Variants in C6orf52 observed in about 807,000 individuals in gnomAD.
C6orf52 encodes the protein chromosome 6 open reading frame 52.
C6orf52 carries 16 observed loss-of-function variants against 16.6 expected under a neutral mutation model. The observed-to-expected ratio is 0.96, with a 90% confidence interval of 0.65 to 1.46. The LOEUF is 1.46. Ranked by LOEUF, C6orf52 falls within the 40% of genes most tolerant of loss-of-function variation. The probability of loss-of-function intolerance (pLI) is 0.00; values close to 1 mark genes in which losing one functional copy is unlikely to be tolerated. For synonymous variants in C6orf52, 53 were observed against 61.4 expected (o/e 0.86, Z 0.64); for missense variants, 166 against 182.3 (o/e 0.91, Z 0.52).
rs140543608 is a variant in C6orf52, at chr6:10,687,659, T to C, written c.-11-98A>G. 245 of 728,482 alleles carry C rather than the reference T, an allele frequency of 3.4e-4. 1 individual carries two copies. The African/African-American group carries it at 4.1e-3, about 12-fold the overall frequency. 45.1% of individuals were successfully genotyped at this position (728,482 alleles called of 1,614,324 possible). On this transcript the variant is annotated intron_variant, in intron 1 of 4. Transcript: ENST00000259983. Reference sequence around the variant, plus strand: ...AATCCTGACAAATAAGTCTCGCAACTACATCTGAGATAATTACATTTAGTG... The same window carrying C: ...AATCCTGACAAATAAGTCTCGCAACCACATCTGAGATAATTACATTTAGTG...
At chr6:10,684,577 C>G (rs1244396076) in intron 3 of C6orf52, among the ~76,000 whole-genome samples, 1 of 152,236 alleles carries the variant, frequency 6.6e-6, no homozygotes, top group Non-Finnish European at 1.5e-5. Flanking sequence ...AAAAGGCTTT[C>G]CTCAGCTAGA....
intron 3 of C6orf52, among the ~76,000 whole-genome samples, chr6:10,686,063 C>A (rs1344674106): frequency 2.0e-5 from 3 of 152,198 alleles, no homozygotes; most frequent in Non-Finnish European, 2.9e-5. Flanking sequence ...ACTGCGCTCG[C>A]TCTGTTGCTC....
At chr6:10,682,325 A>G (rs1768467722) in intron 4 of C6orf52, among the ~76,000 whole-genome samples, 1 of 152,240 alleles carries the variant, frequency 6.6e-6, no homozygotes, top group South Asian at 2.1e-4. Context: ...CAAAGTTGAA[A>G]TAAGCACCCT....
intron 2 of C6orf52, 48 bp from the exon 3 acceptor site, chr6:10,687,212 C>A: frequency 7.4e-7 from 1 of 1,343,330 alleles, no homozygotes; most frequent in Admixed American, 2.3e-5. Flanking sequence ...ATCCACAAAC[C>A]CCCAAACCCT....
chr6:10,684,249 A>C (rs1052892428), intron 3 of C6orf52, among the ~76,000 whole-genome samples: 2 of 152,222 alleles, frequency 1.3e-5, no homozygotes, highest in Non-Finnish European at 2.9e-5. Context: ...TCAAGACTGC[A>C]GTGAGTTATG....
At chr6:10,679,494 T>C (rs1175790270) in intron 4 of C6orf52, among the ~76,000 whole-genome samples, 2 of 145,126 alleles carry the variant, frequency 1.4e-5, no homozygotes, top group Non-Finnish European at 3.0e-5. Context: ...TGCTAACAAG[T>C]AAGCACATAC....
At chr6:10,674,304 G>A (rs771791859) in intron 4 of C6orf52, among the ~76,000 whole-genome samples, 21 of 152,114 alleles carry the variant, frequency 1.4e-4, no homozygotes, top group African/African-American at 3.6e-4. Context: ...TGAATTTGGC[G>A]AGGGGGAGGA....
At chr6:10,672,900 G>A (rs1454853865) in intron 4 of C6orf52, among the ~76,000 whole-genome samples, 9 of 152,182 alleles carry the variant, frequency 5.9e-5, no homozygotes, top group African/African-American at 1.9e-4. Flanking sequence ...GAAGACTAAT[G>A]CAGTACTCTT....
chr6:10,684,622 G>A (rs550139536), intron 3 of C6orf52, among the ~76,000 whole-genome samples: 3 of 152,340 alleles, frequency 2.0e-5, no homozygotes, highest in Admixed American at 1.3e-4. Context: ...GGACCACAAA[G>A]ACCCGAGAAT....
rs575819772 is a variant in C6orf52, at chr6:10,686,132, G to A, written c.270+834C>T. Among the ~76,000 whole-genome samples the A allele has an allele frequency of 1.6e-4, 24 of 152,318 alleles. 1 individual carries two copies. In the South Asian group the frequency reaches 5.0e-3, roughly 32 times the overall value. ...TGCAGCCTCAAACTCCCGGACTCAA[G>A]TGATCGTCCCGCCTCAGTCTCCCAA... On this transcript the variant is annotated intron_variant, in intron 3 of 4. Transcript: ENST00000259983.
rs1247113466 is a variant in C6orf52 at position 10,683,926 on chromosome 6, G to T, written c.271-694C>A. Among the ~76,000 whole-genome samples, 7 of 152,240 alleles carry T rather than the reference G, an allele frequency of 4.6e-5. No individual in the cohort carries two copies. The East Asian group carries it at 1.4e-3, about 29-fold the overall frequency. ...TTTTAAGTATGGCCAGCTATTCCAA[G>T]GAATCACTATCAAGAAAGGGCTGAT... On this transcript the variant is annotated intron_variant, in intron 3 of 4. Coordinates refer to ENST00000259983, the MANE Select transcript of C6orf52 (RefSeq NM_001145020.3).
At chr6:10,677,832 G>A (rs529228374) in intron 4 of C6orf52, among the ~76,000 whole-genome samples, 3 of 151,624 alleles carry the variant, frequency 2.0e-5, no homozygotes, top group East Asian at 1.9e-4. Flanking sequence ...CTGTGCACTC[G>A]GTCATTTTTT....
At chr6:10,687,683 T>C in intron 1 of C6orf52, 122 bp from the exon 2 acceptor site, 1 of 672,788 alleles carries the variant, frequency 1.5e-6, no homozygotes, top group South Asian at 1.7e-5. Context: ...TTACATTTAG[T>C]GGCAATTCCT....
At chr6:10,694,046 G>T (rs1317367632) in intron 1 of C6orf52, among the ~76,000 whole-genome samples, 5 of 152,038 alleles carry the variant, frequency 3.3e-5, no homozygotes, top group Admixed American at 6.6e-5. Flanking sequence ...GATCACCTGC[G>T]GTCGGGAGTT....
intron 3 of C6orf52, 80 bp from the exon 4 acceptor site, chr6:10,683,312 C>T: frequency 1.2e-6 from 1 of 844,298 alleles, no homozygotes; most frequent in Non-Finnish European, 1.8e-6. Flanking sequence ...GGGAAAAACT[C>T]TAGCTCTCAA....
upstream of C6orf52, chr6:10,694,620 C>CGT: frequency 5.4e-6 from 1 of 186,708 alleles, no homozygotes; most frequent in South Asian, 9.6e-5. Context: ...GGAAGTCGGC[C>CGT]CCACCTCCTC....
intron 4 of C6orf52, among the ~76,000 whole-genome samples, chr6:10,680,499 G>C (rs1254622077): frequency 6.6e-6 from 1 of 152,082 alleles, no homozygotes; most frequent in Non-Finnish European, 1.5e-5. Flanking sequence ...GTCCTTTTCT[G>C]GTTGTGATAT....
intron 1 of C6orf52, among the ~76,000 whole-genome samples, chr6:10,694,004 AT>A (rs1465672769): frequency 1.3e-5 from 2 of 152,180 alleles, no homozygotes; most frequent in African/African-American, 4.8e-5. Context: ...CACGCCTGCA[AT>A]CCCAGCAACT....
At chr6:10,680,074 G>A (rs544932780) in intron 4 of C6orf52, among the ~76,000 whole-genome samples, 25 of 152,176 alleles carry the variant, frequency 1.6e-4, no homozygotes, top group Non-Finnish European at 2.6e-4. Context: ...GCAACATGGC[G>A]AAACCCCATC....
Sources: gnomAD v4.1 joint callset for allele counts (sites outside exome capture counted in the v4.1 genomes callset) on GRCh38, gnomAD v4.1.1 for gene constraint, MANE v1.5 for transcripts, NCBI Gene and HGNC (gene_info 2026-07-23, HGNC 2026-07-21) for gene names.